Variants in LARGE1 observed in about 807,000 individuals in gnomAD.
LARGE1 encodes xylosyl- and glucuronyltransferase LARGE1.
LARGE1 carries 43 observed loss-of-function variants against 87.6 expected under a neutral mutation model. That is an observed-to-expected ratio of 0.49 (90% CI 0.38 to 0.63). The LOEUF (loss-of-function observed/expected upper bound fraction) is 0.63, where lower values mean the gene tolerates loss of function less well. LARGE1 is among the 30% of genes least tolerant of loss of function. The probability of loss-of-function intolerance (pLI) is 0.00; values close to 1 mark genes in which losing one functional copy is unlikely to be tolerated. For synonymous variants in LARGE1, 434 were observed against 394.6 expected (o/e 1.10, Z -1.18); for missense variants, 802 against 1,000.2 (o/e 0.80, Z 2.67).
chr22:33,644,410 C>A (rs1237779608), intron 3 of LARGE1, among the ~76,000 whole-genome samples: 1 of 152,130 alleles, frequency 6.6e-6, no homozygotes, highest in Non-Finnish European at 1.5e-5. Context: ...TGGAACAAAT[C>A]TCAAAATAAC....
intron 1 of LARGE1, among the ~76,000 whole-genome samples, chr22:33,764,335 C>A (rs2084830961): frequency 6.6e-6 from 1 of 152,126 alleles, no homozygotes; most frequent in African/African-American, 2.4e-5. Flanking sequence ...TGGTTCAGGA[C>A]CCCCCACAGA....
chr22:33,345,193 A>G (rs1047689658), intron 9 of LARGE1, among the ~76,000 whole-genome samples: 2 of 152,162 alleles, frequency 1.3e-5, no homozygotes, highest in South Asian at 4.1e-4. Context: ...ACACAACTCT[A>G]TGAGACAAGT....
chr22:33,214,703 C>G (rs188421642), intron 11 of LARGE1, among the ~76,000 whole-genome samples: 9 of 152,314 alleles, frequency 5.9e-5, no homozygotes. Flanking sequence ...TGGTTCCCTA[C>G]TGAAGTGTGT....
intron 12 of LARGE1, among the ~76,000 whole-genome samples, chr22:33,291,118 T>A (rs1484834187): frequency 6.6e-6 from 1 of 152,082 alleles, no homozygotes; most frequent in African/African-American, 2.4e-5. Flanking sequence ...GGATTGCTAA[T>A]CAGGAAAAGG....
chr22:33,369,776 C>T (rs1389135372), intron 9 of LARGE1, among the ~76,000 whole-genome samples: 2 of 152,068 alleles, frequency 1.3e-5, no homozygotes, highest in Non-Finnish European at 2.9e-5. Context: ...ACCATGTTGG[C>T]CAAGCTGGTC....
chr22:33,717,850 G>A (rs1397273037), intron 2 of LARGE1, among the ~76,000 whole-genome samples: 1 of 152,150 alleles, frequency 6.6e-6, no homozygotes, highest in Non-Finnish European at 1.5e-5. Context: ...GTCCCCATGA[G>A]CCAGAGTGTC....
chr22:33,655,433 C>G (rs2080932519), intron 2 of LARGE1, among the ~76,000 whole-genome samples: 2 of 152,188 alleles, frequency 1.3e-5, no homozygotes, highest in South Asian at 4.1e-4. Flanking sequence ...TGGACTGGAA[C>G]TACACCATGA....
chr22:33,813,957 CA>C (rs145214844), intron 1 of LARGE1, among the ~76,000 whole-genome samples: 6,095 of 152,142 alleles, frequency 0.04, 399 homozygotes, highest in African/African-American at 0.14. Context: ...ACTCTTGCAA[CA>C]AGCCTAAAAC....
chr22:33,479,745 C>CT (rs35004846), intron 6 of LARGE1, among the ~76,000 whole-genome samples: 20,223 of 139,062 alleles, frequency 0.15, 1,857 homozygotes, highest in Non-Finnish European at 0.21. Flanking sequence ...AAAGTAATGA[C>CT]TTTTTTTTTT....
At chr22:33,613,079 C>G (rs2149019744) in intron 4 of LARGE1, among the ~76,000 whole-genome samples, 1 of 152,260 alleles carries the variant, frequency 6.6e-6, no homozygotes, top group African/African-American at 2.4e-5. Context: ...TATACAAATG[C>G]TTAATCAGAA....
rs572840087 is a variant in LARGE1, at chr22:33,522,127, C to T, written c.787+42721G>A. On this transcript the variant is annotated intron_variant, in intron 6 of 14. Coordinates refer to ENST00000397394, the MANE Select transcript of LARGE1 (RefSeq NM_133642.5). ...TTGACCCAAACACCTCCCATCAGGC[C>T]CTACCTGAAACACTGAGGATCACAT... Among the ~76,000 whole-genome samples, 7 of 152,288 alleles carry T rather than the reference C, an allele frequency of 4.6e-5. No homozygotes were observed. In the South Asian group the frequency reaches 1.5e-3, roughly 32 times the overall value.
chr22:33,661,751 C>G (rs1159072360), intron 2 of LARGE1, among the ~76,000 whole-genome samples: 3 of 152,004 alleles, frequency 2.0e-5, no homozygotes, highest in African/African-American at 7.2e-5. Flanking sequence ...GGACTCTCAT[C>G]AAAAAGGATC....
chr22:33,080,951 T>TTCCATCCATCCATCCA, the LARGE1 span, among the ~76,000 whole-genome samples: 72 of 149,342 alleles, frequency 4.8e-4, no homozygotes, highest in African/African-American at 1.6e-3. Flanking sequence ...TCCATCTGTC[T>TTCCATCCATCCATCCA]TCCATCCATC....
chr22:33,802,746 A>C (rs1223640115), intron 1 of LARGE1, among the ~76,000 whole-genome samples: 2 of 152,180 alleles, frequency 1.3e-5, no homozygotes, highest in Non-Finnish European at 2.9e-5. Context: ...ATCTAGGAAT[A>C]AATATTTATT....
At chr22:33,548,666 C>G (rs1329113514) in intron 6 of LARGE1, among the ~76,000 whole-genome samples, 2 of 152,188 alleles carry the variant, frequency 1.3e-5, no homozygotes, top group African/African-American at 4.8e-5. Flanking sequence ...CCGCCTGTCT[C>G]AGCCTCCCAA....
At chr22:33,741,390 A>T (rs2083875573) in intron 2 of LARGE1, among the ~76,000 whole-genome samples, 1 of 152,262 alleles carries the variant, frequency 6.6e-6, no homozygotes, top group Non-Finnish European at 1.5e-5. Flanking sequence ...GAGGCCCAAA[A>T]GCCAGTTTTA....
intron 6 of LARGE1, among the ~76,000 whole-genome samples, chr22:33,492,644 A>G (rs1309938662): frequency 6.6e-6 from 1 of 152,178 alleles, no homozygotes; most frequent in Admixed American, 6.5e-5. Context: ...ACAATTCCTA[A>G]GAGCCCTTGA....
intron 11 of LARGE1, among the ~76,000 whole-genome samples, chr22:33,189,975 G>A (rs1011799526): frequency 6.6e-6 from 1 of 152,088 alleles, no homozygotes; most frequent in African/African-American, 2.4e-5. Context: ...CAACCCCAGG[G>A]AATAGCCAGG....
At chr22:33,456,380 G>A (rs1296494922) in intron 6 of LARGE1, among the ~76,000 whole-genome samples, 3 of 152,022 alleles carry the variant, frequency 2.0e-5, no homozygotes, top group African/African-American at 4.8e-5. Context: ...CCAATTTTGG[G>A]TACTGTGAAT....
Sources: allele counts gnomAD v4.1 joint callset (sites outside exome capture counted in the v4.1 genomes callset), GRCh38; gene constraint gnomAD v4.1.1; transcripts MANE v1.5; gene names NCBI Gene and HGNC (gene_info 2026-07-23, HGNC 2026-07-21).